CWF19L2: variants seen among roughly 807,000 people sequenced by gnomAD.
The protein encoded by CWF19L2 is CWF19 like cell cycle control factor 2, also known as CWF19-like protein 2.
Under a neutral mutation model 111.7 loss-of-function variants are expected in CWF19L2, and 98 were observed. That is an observed-to-expected ratio of 0.88 (90% CI 0.75 to 1.04). The LOEUF (loss-of-function observed/expected upper bound fraction) is 1.04, where lower values mean the gene tolerates loss of function less well. Ranked by LOEUF, CWF19L2 falls within the 50% of genes least tolerant of loss-of-function variation. CWF19L2 has a pLI of 0.00. For synonymous variants in CWF19L2, 351 were observed against 342.9 expected, an observed-to-expected ratio of 1.02 and a Z score of -0.26; for missense variants, 1,101 against 1,051.4, an observed-to-expected ratio of 1.05 and a Z score of -0.65.
chr11:107,360,763 C>T (rs1242795043), intron 12 of CWF19L2, among the ~76,000 whole-genome samples: 1 of 152,124 alleles, frequency 6.6e-6, no homozygotes, highest in Non-Finnish European at 1.5e-5. Context: ...TTTCATTTAC[C>T]TGTTGACCAT....
rs1861694652 is a variant in CWF19L2 at position 107,445,844 on chromosome 11, C to T, written c.340-2795G>A. Among the ~76,000 whole-genome samples, 3 of 152,156 alleles carry T rather than the reference C, an allele frequency of 2.0e-5. No homozygotes were observed. In the South Asian group the frequency reaches 6.2e-4, roughly 32 times the overall value. ...CCTCTTCTTTCCTACCAACAGAATC[C>T]CATTTTATTTGGAGAAGTAATGTAC... On this transcript the variant is annotated intron_variant, in intron 3 of 17. Coordinates refer to ENST00000282251, the MANE Select transcript of CWF19L2 (RefSeq NM_152434.3).
chr11:107,332,503 T>G (rs2134520206), intron 16 of CWF19L2, among the ~76,000 whole-genome samples: 1 of 151,656 alleles, frequency 6.6e-6, no homozygotes, highest in South Asian at 2.1e-4. Flanking sequence ...TCAGAATGGA[T>G]TACATATACG....
intron 12 of CWF19L2, among the ~76,000 whole-genome samples, chr11:107,354,141 A>G (rs1241174684): frequency 6.6e-6 from 1 of 151,442 alleles, no homozygotes; most frequent in Non-Finnish European, 1.5e-5. Context: ...TACCTTCTCC[A>G]TATCTCTCCC....
At chr11:107,420,746 A>G (rs768886663) in intron 8 of CWF19L2, among the ~76,000 whole-genome samples, 3 of 152,098 alleles carry the variant, frequency 2.0e-5, no homozygotes, top group African/African-American at 4.8e-5. Flanking sequence ...CCAATAACAA[A>G]ATAGTACAAT....
At chr11:107,384,447 C>T (rs1203347532) in intron 12 of CWF19L2, among the ~76,000 whole-genome samples, 1 of 152,120 alleles carries the variant, frequency 6.6e-6, no homozygotes, top group African/African-American at 2.4e-5. Context: ...GTATTCTGAA[C>T]CATCAAAAAG....
At chr11:107,355,371 C>T (rs1000860173) in intron 12 of CWF19L2, among the ~76,000 whole-genome samples, 1 of 150,418 alleles carries the variant, frequency 6.6e-6, no homozygotes, top group Non-Finnish European at 1.5e-5. Context: ...GCCAAGATAG[C>T]GCCACTGCAC....
At chr11:107,359,952 G>C (rs570001304) in intron 12 of CWF19L2, among the ~76,000 whole-genome samples, 84 of 152,360 alleles carry the variant, frequency 5.5e-4, no homozygotes, top group Non-Finnish European at 1.1e-3. Context: ...GTAAGAGGAA[G>C]TATGGCTGGA....
intron 3 of CWF19L2, among the ~76,000 whole-genome samples, chr11:107,449,036 A>G (rs1236180193): frequency 2.0e-5 from 3 of 152,078 alleles, no homozygotes; most frequent in Admixed American, 6.6e-5. Context: ...CATCCAGAAT[A>G]AAAAGGCACA....
intron 10 of CWF19L2, chr11:107,403,970 A>C: frequency 1.1e-6 from 1 of 875,278 alleles, no homozygotes; most frequent in South Asian, 1.3e-5. Context: ...TGTTGCGACA[A>C]CTGACCGAAC....
intron 16 of CWF19L2, among the ~76,000 whole-genome samples, chr11:107,331,371 T>C (rs986932123): frequency 6.6e-6 from 1 of 152,202 alleles, no homozygotes; most frequent in Non-Finnish European, 1.5e-5. Context: ...ATTAAGGATC[T>C]TGAAATGAGG....
At chr11:107,402,904 A>ATATATATATATATATAT (rs1861027774) in intron 10 of CWF19L2, among the ~76,000 whole-genome samples, 1 of 67,270 alleles carries the variant, frequency 1.5e-5, no homozygotes. Context: ...TATATATATA[A>ATATATATATATATATAT]TGGAATACTA....
chr11:107,339,042 G>T (rs1484991540), intron 14 of CWF19L2, among the ~76,000 whole-genome samples: 1 of 152,150 alleles, frequency 6.6e-6, no homozygotes, highest in East Asian at 1.9e-4. Flanking sequence ...CAGTGTATAA[G>T]CGTTCCTTTT....
At chr11:107,392,959 A>G (rs1198373505) in intron 10 of CWF19L2, 64 bp from the exon 11 acceptor site, 3 of 1,044,766 alleles carry the variant, frequency 2.9e-6, no homozygotes, top group East Asian at 2.8e-5. Flanking sequence ...TTTTTATTTA[A>G]TAACAAAAAA....
intron 10 of CWF19L2, among the ~76,000 whole-genome samples, chr11:107,408,804 G>A (rs1419237132): frequency 6.6e-6 from 1 of 151,958 alleles, no homozygotes. Flanking sequence ...TCTGTGTCAA[G>A]CAAGACCATA....
At chr11:107,333,516 G>C (rs995555399) in intron 16 of CWF19L2, among the ~76,000 whole-genome samples, 24 of 152,122 alleles carry the variant, frequency 1.6e-4, no homozygotes, top group African/African-American at 5.8e-4. Context: ...AACATGAGAA[G>C]TGAAAAACGT....
chr11:107,400,609 G>A (rs1241505081), intron 10 of CWF19L2, among the ~76,000 whole-genome samples: 1 of 152,070 alleles, frequency 6.6e-6, no homozygotes, highest in Admixed American at 6.6e-5. Context: ...GGACCAGAAG[G>A]ATTCACAGAT....
At chr11:107,355,639 C>A (rs991453881) in intron 12 of CWF19L2, among the ~76,000 whole-genome samples, 1 of 151,974 alleles carries the variant, frequency 6.6e-6, no homozygotes, top group Admixed American at 6.6e-5. Flanking sequence ...CAAGAGGACA[C>A]AACATTCTGT....
At chr11:107,330,689 C>T (rs2432869) in intron 16 of CWF19L2, among the ~76,000 whole-genome samples, 102,121 of 141,396 alleles carry the variant, frequency 0.72, 37,544 homozygotes, top group Middle Eastern at 0.79. Flanking sequence ...CACACACACA[C>T]TTTAAACTAT....
chr11:107,378,713 C>T (rs1860634377), intron 12 of CWF19L2, among the ~76,000 whole-genome samples: 1 of 151,916 alleles, frequency 6.6e-6, no homozygotes, highest in African/African-American at 2.4e-5. Flanking sequence ...CACATGTATA[C>T]ATATGTAACT....
Sources: gnomAD v4.1 joint callset for allele counts (sites outside exome capture counted in the v4.1 genomes callset) on GRCh38, gnomAD v4.1.1 for gene constraint, MANE v1.5 for transcripts, NCBI Gene and HGNC (gene_info 2026-07-23, HGNC 2026-07-21) for gene names.